Variants in MMP26 observed in about 807,000 individuals in gnomAD.
MMP26 encodes matrix metallopeptidase 26.
MMP26 carries 33 observed loss-of-function variants against 31.0 expected under a neutral mutation model. The observed-to-expected ratio is 1.06, with a 90% CI of 0.81 to 1.42. The LOEUF (loss-of-function observed/expected upper bound fraction) is 1.42, where lower values mean the gene tolerates loss of function less well. MMP26 is among the 40% of genes most tolerant of loss of function. MMP26 has a pLI of 0.00. For synonymous variants in MMP26, 122 were observed against 114.9 expected (o/e 1.06, Z -0.40); for missense variants, 347 against 316.1 (o/e 1.10, Z -0.74).
At position 4,915,584 on chromosome 11, in the gene MMP26, C is replaced by T. The variant is rs771596766; in HGVS notation, c.-144-72484C>T. 1.5e-5 allele frequency: 24 copies of T among 1,613,958 alleles called. No individual in the cohort carries two copies. The East Asian group carries it at 2.0e-4, about 13-fold the overall frequency. Reference sequence around the variant, plus strand: ...TGGGATGGAGATCCAGATGTGCATGCGCTCCAGCCCAGGGATGCCACTCAG... The same window carrying T: ...TGGGATGGAGATCCAGATGTGCATGTGCTCCAGCCCAGGGATGCCACTCAG... On this transcript the variant is annotated intron_variant, in intron 2 of 7. Coordinates refer to ENST00000380390, the MANE Select transcript of MMP26 (RefSeq NM_021801.5).
rs1162564138 is a variant in MMP26 at position 4,907,563 on chromosome 11, T to C, written c.-144-80505T>C. ...GAGCCCATGTATTATTTCCTTGCCA[T>C]GTTGGCTGTCTCTGACATGGGCCTG... is the stretch of plus-strand genomic sequence containing the variant. On this transcript the variant is annotated intron_variant, in intron 2 of 7. Coordinates refer to ENST00000380390, the MANE Select transcript of MMP26 (RefSeq NM_021801.5). 4 of 1,613,972 alleles carry C rather than the reference T, an allele frequency of 2.5e-6. No individual in the cohort carries two copies. The East Asian group carries it at 8.9e-5, about 36-fold the overall frequency.
Position 4,810,159 on chromosome 11 carries a change from G to C in MMP26, c.-145+42818G>C, listed in dbSNP as rs148284246. Reference sequence around the variant, plus strand: ...CTCCTCTGTATACAGAAGTAGGAAGGCAGGGGATTTGAATGCTTGTGCAAA... The same window carrying C: ...CTCCTCTGTATACAGAAGTAGGAAGCCAGGGGATTTGAATGCTTGTGCAAA... On this transcript the variant is annotated intron_variant, in intron 2 of 7. Transcript: ENST00000380390. 5.8e-4 allele frequency among the ~76,000 whole-genome samples: 89 copies of C among 152,280 alleles called. 1 individual carries two copies. The East Asian group carries it at 0.012, about 21-fold the overall frequency.
At chr11:4,974,695 A>G (rs949381939) in intron 2 of MMP26, among the ~76,000 whole-genome samples, 14 of 152,038 alleles carry the variant, frequency 9.2e-5, no homozygotes, top group Admixed American at 9.2e-4. Flanking sequence ...TCATCTTCTT[A>G]ACTCTGTATA....
intron 2 of MMP26, chr11:4,849,055 T>A: frequency 6.2e-7 from 1 of 1,613,936 alleles, no homozygotes; most frequent in African/African-American, 1.3e-5. Context: ...CAGAGGATGG[T>A]GCCATTTCCC....
intron 1 of MMP26, among the ~76,000 whole-genome samples, chr11:4,724,548 A>G (rs967952596): frequency 6.6e-6 from 1 of 152,232 alleles, no homozygotes; most frequent in African/African-American, 2.4e-5. Context: ...AAACGCAAGG[A>G]TTAGAAATTT....
intron 2 of MMP26, among the ~76,000 whole-genome samples, chr11:4,891,024 T>TAATAATAATAAA (rs1228898738): frequency 2.8e-5 from 4 of 144,716 alleles, no homozygotes; most frequent in Non-Finnish European, 6.0e-5. Context: ...ATAATAATAA[T>TAATAATAATAAA]AAAAGTAAAA....
At chr11:4,973,960 C>T (rs943323507) in intron 2 of MMP26, 2 of 151,916 alleles carry the variant, frequency 1.3e-5, no homozygotes, top group Non-Finnish European at 2.9e-5. Context: ...GCTCAAATGC[C>T]TGGCTCTATC....
chr11:4,938,114 TA>T (rs771453734), intron 2 of MMP26: 3 of 151,924 alleles, frequency 2.0e-5, no homozygotes, highest in South Asian at 2.1e-4. Context: ...AAATAATACA[TA>T]GGTTCATGGA....
intron 2 of MMP26, among the ~76,000 whole-genome samples, chr11:4,785,042 A>C (rs1848917430): frequency 1.3e-5 from 2 of 152,164 alleles, no homozygotes; most frequent in African/African-American, 4.8e-5. Flanking sequence ...TTTGATAGAC[A>C]GGTGTCAATG....
At position 4,914,315 on chromosome 11, in the gene MMP26, A is replaced by G. The variant is rs143103717; in HGVS notation, c.-144-73753A>G. 1,041 of 166,064 alleles carry G rather than the reference A, an allele frequency of 6.3e-3. 15 individuals are homozygous for G. The highest frequency in any genetic ancestry group is 0.022 in the African/African-American group (928 of 41,698). 10.3% of individuals were successfully genotyped at this position (166,064 alleles called of 1,614,324 possible). A position where few individuals can be genotyped will look rare whatever the true frequency, so the allele number is the denominator to read the frequency against. Reference sequence around the variant, plus strand: ...ACAAGCGTTGAGTGAAACAGACAGAAACAGTGGTGGAATGGAGGTGGAAGA... The same window carrying G: ...ACAAGCGTTGAGTGAAACAGACAGAGACAGTGGTGGAATGGAGGTGGAAGA... On this transcript the variant is annotated intron_variant, in intron 2 of 7. Transcript: ENST00000380390.
At chr11:4,803,753 C>A in intron 2 of MMP26, 2 of 1,613,644 alleles carry the variant, frequency 1.2e-6, no homozygotes, top group Non-Finnish European at 8.5e-7. Context: ...TCAAAGCCAG[C>A]CACAGAGAAG....
intron 2 of MMP26, among the ~76,000 whole-genome samples, chr11:4,972,534 A>G (rs953110489): frequency 3.3e-5 from 5 of 152,212 alleles, no homozygotes; most frequent in Admixed American, 2.6e-4. Flanking sequence ...GAACAAGCAC[A>G]TATCTCAAAG....
At chr11:4,803,725 A>G in intron 2 of MMP26, 1 of 1,613,918 alleles carries the variant, frequency 6.2e-7, no homozygotes, top group Non-Finnish European at 8.5e-7. Context: ...CACGTATGAC[A>G]TACCAATGAC....
chr11:4,768,897 A>C (rs1848666427), intron 2 of MMP26: 7 of 765,546 alleles, frequency 9.1e-6, no homozygotes, highest in Non-Finnish European at 1.2e-5. Context: ...ACCCACATGC[A>C]ATAGGCAGTA....
chr11:4,916,909 C>T (rs1238679107), intron 2 of MMP26, among the ~76,000 whole-genome samples: 1 of 152,166 alleles, frequency 6.6e-6, no homozygotes, highest in Non-Finnish European at 1.5e-5. Flanking sequence ...CCACTGAACA[C>T]AGGGCAGTGA....
intron 2 of MMP26, among the ~76,000 whole-genome samples, chr11:4,782,573 G>A (rs565682981): frequency 2.6e-5 from 4 of 152,302 alleles, no homozygotes; most frequent in African/African-American, 9.6e-5. Context: ...ATTTTCTGAG[G>A]AGAAATCCAA....
intron 2 of MMP26, among the ~76,000 whole-genome samples, chr11:4,910,183 A>T (rs1850968223): frequency 1.3e-5 from 2 of 152,058 alleles, no homozygotes; most frequent in African/African-American, 4.8e-5. Context: ...GTCTAGAGGT[A>T]ACCCATAATT....
chr11:4,784,524 T>G (rs1848908644), intron 2 of MMP26, among the ~76,000 whole-genome samples: 1 of 152,200 alleles, frequency 6.6e-6, no homozygotes, highest in Non-Finnish European at 1.5e-5. Context: ...ATTGTCCTTT[T>G]AAGAGACAGA....
intron 1 of MMP26, chr11:4,724,180 G>A: frequency 1.9e-6 from 1 of 538,682 alleles, no homozygotes; most frequent in East Asian, 2.8e-5. Context: ...CATGGTAGAG[G>A]CAGGAGTGGA....
Sources: gnomAD v4.1 joint callset for allele counts (sites outside exome capture counted in the v4.1 genomes callset) on GRCh38, gnomAD v4.1.1 for gene constraint, MANE v1.5 for transcripts, NCBI Gene and HGNC (gene_info 2026-07-23, HGNC 2026-07-21) for gene names.